Variants in GRID2 observed in about 807,000 individuals in gnomAD.
GRID2 encodes the protein glutamate receptor ionotropic, delta-2.
GRID2 carries 33 observed loss-of-function variants against 114.8 expected under a neutral mutation model. That is an observed-to-expected ratio of 0.29 (90% CI 0.22 to 0.38). The LOEUF is 0.38. Ranked by LOEUF, GRID2 falls within the 10% of genes least tolerant of loss-of-function variation. GRID2 has a pLI of 1.00. For missense variants in GRID2, 1,184 were observed against 1,257.7 expected, an observed-to-expected ratio of 0.94 and a Z score of 0.89; for synonymous variants, 505 against 449.9, an observed-to-expected ratio of 1.12 and a Z score of -1.55.
At chr4:93,064,231 G>T (rs1728064725) in intron 2 of GRID2, among the ~76,000 whole-genome samples, 1 of 150,762 alleles carries the variant, frequency 6.6e-6, no homozygotes, top group Non-Finnish European at 1.5e-5. Context: ...TTTTCTTCTT[G>T]TATTTTTTCC....
chr4:93,017,382 A>G (rs1265053879), intron 2 of GRID2, among the ~76,000 whole-genome samples: 2 of 152,164 alleles, frequency 1.3e-5, no homozygotes, highest in Admixed American at 6.6e-5. Context: ...CCTAACCTAT[A>G]TTTAAGTATG....
At chr4:93,466,457 CAA>C (rs1724280009) in intron 11 of GRID2, among the ~76,000 whole-genome samples, 1 of 152,128 alleles carries the variant, frequency 6.6e-6, no homozygotes, top group South Asian at 2.1e-4. Context: ...ACCCTATGGG[CAA>C]AGAGTAGCAG....
intron 2 of GRID2, among the ~76,000 whole-genome samples, chr4:92,717,067 C>G (rs140004612): frequency 1.4e-4 from 21 of 152,262 alleles, no homozygotes; most frequent in African/African-American, 4.8e-4. Context: ...AGCACAATGT[C>G]TGGAGTGCAA....
At chr4:92,609,580 C>T (rs1164223496) in intron 2 of GRID2, among the ~76,000 whole-genome samples, 1 of 150,708 alleles carries the variant, frequency 6.6e-6, no homozygotes, top group Non-Finnish European at 1.5e-5. Context: ...ATGTGGCTCT[C>T]CAGTGGAAAG....
chr4:92,676,183 GGTT>G (rs1348219307), intron 2 of GRID2, among the ~76,000 whole-genome samples: 3 of 58,592 alleles, frequency 5.1e-5, no homozygotes, highest in African/African-American at 1.3e-4. Flanking sequence ...TTTTTTTTGT[GGTT>G]GTTTTTGTTG....
intron 1 of GRID2, among the ~76,000 whole-genome samples, chr4:92,477,993 A>T (rs2149101888): frequency 6.6e-6 from 1 of 151,648 alleles, no homozygotes; most frequent in East Asian, 1.9e-4. Flanking sequence ...GTATAAACTC[A>T]AGAAATATTT....
intron 1 of GRID2, among the ~76,000 whole-genome samples, chr4:92,330,984 T>C: frequency 6.6e-6 from 1 of 152,166 alleles, no homozygotes; most frequent in Non-Finnish European, 1.5e-5. Flanking sequence ...AAACTCTTTA[T>C]TGAGCAATTA....
chr4:93,071,590 G>A (rs1251983614), intron 2 of GRID2, among the ~76,000 whole-genome samples: 1 of 152,058 alleles, frequency 6.6e-6, no homozygotes, highest in Non-Finnish European at 1.5e-5. Context: ...TTTGCATGAA[G>A]AAATAAGATG....
At chr4:93,167,753 G>T (rs1006940140) in intron 4 of GRID2, among the ~76,000 whole-genome samples, 1 of 151,200 alleles carries the variant, frequency 6.6e-6, no homozygotes, top group African/African-American at 2.5e-5. Flanking sequence ...AAAACTTGAT[G>T]ATATTAAGAA....
At chr4:92,797,222 C>T (rs1167057859) in intron 2 of GRID2, among the ~76,000 whole-genome samples, 2 of 151,854 alleles carry the variant, frequency 1.3e-5, no homozygotes, top group Non-Finnish European at 2.9e-5. Context: ...GTATTGCATT[C>T]AACATAATAA....
intron 10 of GRID2, among the ~76,000 whole-genome samples, chr4:93,430,288 C>G (rs554170862): frequency 6.6e-5 from 10 of 152,302 alleles, no homozygotes; most frequent in South Asian, 6.2e-4. Flanking sequence ...TCAAGCGACT[C>G]TCCTGCCTCA....
At chr4:92,776,861 T>A (rs961612923) in intron 2 of GRID2, among the ~76,000 whole-genome samples, 1 of 151,974 alleles carries the variant, frequency 6.6e-6, no homozygotes, top group South Asian at 2.1e-4. Flanking sequence ...ATGCCCCTGA[T>A]AAGAACTAAA....
intron 10 of GRID2, among the ~76,000 whole-genome samples, chr4:93,447,708 T>C (rs1722222131): frequency 2.0e-5 from 3 of 151,996 alleles, no homozygotes; most frequent in Admixed American, 6.6e-5. Context: ...CCTGTTTTCT[T>C]AATTTCAGGA....
At chr4:93,725,092 T>G (rs548541265) in intron 14 of GRID2, among the ~76,000 whole-genome samples, 2 of 152,264 alleles carry the variant, frequency 1.3e-5, no homozygotes, top group African/African-American at 4.8e-5. Flanking sequence ...CATTAACTCA[T>G]CATTTACATT....
In GRID2 at chr4:93,373,475, A is replaced by C. The variant is rs141142082; in HGVS notation, c.1246-22132A>C. Reference sequence around the variant, plus strand: ...CTGTGGTCTTACTACTGATTATCTTATTCTTATTTATTGCCTCTCCAACAA... The same window carrying C: ...CTGTGGTCTTACTACTGATTATCTTCTTCTTATTTATTGCCTCTCCAACAA... On this transcript the variant is annotated intron_variant, in intron 8 of 15. Coordinates refer to ENST00000282020, the MANE Select transcript of GRID2 (RefSeq NM_001510.4). Among the ~76,000 whole-genome samples the C allele has an allele frequency of 4.5e-4, 68 of 152,206 alleles. No individual in the cohort carries two copies. In the East Asian group the frequency reaches 4.8e-3, roughly 11 times the overall value.
At chr4:93,495,076 C>T (rs895013257) in intron 12 of GRID2, among the ~76,000 whole-genome samples, 1 of 151,658 alleles carries the variant, frequency 6.6e-6, no homozygotes, top group Admixed American at 6.6e-5. Context: ...TTTTTTCATT[C>T]CCAGGAGCTG....
At chr4:92,744,485 C>A (rs1183712307) in intron 2 of GRID2, among the ~76,000 whole-genome samples, 4 of 142,542 alleles carry the variant, frequency 2.8e-5, no homozygotes, top group Non-Finnish European at 6.1e-5. Context: ...AATCCTCCAT[C>A]TCAAAAAAAA....
chr4:92,491,043 T>C (rs1412200243), intron 1 of GRID2, among the ~76,000 whole-genome samples: 1 of 152,180 alleles, frequency 6.6e-6, no homozygotes, highest in Non-Finnish European at 1.5e-5. Flanking sequence ...TTACTTATAA[T>C]TTCTCCCTAT....
At position 93,659,665 on chromosome 4, in the gene GRID2, G is replaced by C. The variant is rs116553502; in HGVS notation, c.2360+33230G>C. Among the ~76,000 whole-genome samples the C allele has an allele frequency of 8.0e-3, 1,217 of 152,244 alleles. 18 individuals are homozygous for C. Among genetic ancestry groups the C allele is most frequent in the African/African-American group, 0.027 (1,135 of 41,536 alleles). On this transcript the variant is annotated intron_variant, in intron 14 of 15. Transcript: ENST00000282020. ...ATTGGCAGACTAGAATAAGACATCAGGAAGAAGAGATATAATGAAAGTTTA... is the reference window on the plus strand; with the variant it reads ...ATTGGCAGACTAGAATAAGACATCACGAAGAAGAGATATAATGAAAGTTTA...
Sources: allele counts gnomAD v4.1 joint callset (sites outside exome capture counted in the v4.1 genomes callset), GRCh38; gene constraint gnomAD v4.1.1; transcripts MANE v1.5; gene names NCBI Gene and HGNC (gene_info 2026-07-23, HGNC 2026-07-21).